Variants in DCHS1 observed in about 807,000 individuals in gnomAD.
DCHS1 encodes the protein dachsous cadherin-related 1.
Under a neutral mutation model 213.9 loss-of-function variants are expected in DCHS1, and 78 were observed. The observed-to-expected ratio is 0.36, with a 90% CI of 0.30 to 0.44. DCHS1 has a LOEUF of 0.44. Among genes scored for constraint, DCHS1 ranks in the 20% least tolerant of loss-of-function variants. DCHS1 has a pLI of 1.00. For synonymous variants in DCHS1, 1,828 were observed against 1,873.7 expected (o/e 0.98, Z 0.63); for missense variants, 3,946 against 4,395.9 (o/e 0.90, Z 2.89).
At position 6,621,821 on chromosome 11, in the gene DCHS1, C is replaced by T; in HGVS notation, c.9855G>A (p.Glu3285=). 1.2e-6 allele frequency: 2 copies of T among 1,606,778 alleles called. No homozygotes were observed. Among genetic ancestry groups the T allele is most frequent in the Non-Finnish European group, 1.7e-6 (2 of 1,177,038 alleles). The change falls in exon 21 of 21, where the codon GAG becomes GAA. Residue 3285 remains glutamate, a synonymous_variant. Transcript: ENST00000299441. The part of the protein sequence containing the change: ...QGPSASALSA[E]SGLEPPDDTE... Reference sequence around the variant, plus strand: ...TGTCATCAGGTGGCTCCAGGCCAGACTCTGCGCTGAGTGCTGAGGCTGAGG... The same window carrying T: ...TGTCATCAGGTGGCTCCAGGCCAGATTCTGCGCTGAGTGCTGAGGCTGAGG...
chr11:6,633,119 G>C, intron 5 of DCHS1, 63 bp from the exon 6 acceptor site: 2 of 1,534,128 alleles, frequency 1.3e-6, no homozygotes, highest in South Asian at 1.3e-5. Context: ...TCAGGACCCA[G>C]AGTCTGATCC....
intron 19 of DCHS1, 26 bp from the exon 20 acceptor site, chr11:6,624,894 T>C (rs1261130050): frequency 1.9e-6 from 3 of 1,612,500 alleles, no homozygotes; most frequent in Admixed American, 3.3e-5. Context: ...AAGTGCTTAT[T>C]GCCAGGCTTC....
In DCHS1 at chr11:6,626,410, C is replaced by T. The variant is rs752430387; in HGVS notation, c.6365-30G>A. 4 of 1,608,666 alleles carry T rather than the reference C, an allele frequency of 2.5e-6. No homozygotes were observed. Among genetic ancestry groups the T allele is most frequent in the East Asian group, 4.5e-5 (2 of 44,742 alleles). ...GCGAGATAGAATGCATCAGTGATAG[C>T]CCCCTTTGCTTGCCCTGGAGCCTCC... On this transcript the variant is annotated intron_variant, in intron 15 of 20. Coordinates refer to ENST00000299441, the MANE Select transcript of DCHS1 (RefSeq NM_003737.4). This position sits in a 1 kb window ranked among gnomAD's most constrained non-coding sequence, Gnocchi z 5.2.
Position 6,626,116 on chromosome 11 carries a change from A to T in DCHS1, c.6577-42T>A. The stretch of plus-strand genomic sequence containing the variant: ...GCTGCTGGGACTGGTCTGGCCACAG[A>T]CAAGTCTGACTAGCCCTGCTCCCCC... On this transcript the variant is annotated intron_variant, in intron 16 of 20. Transcript: ENST00000299441. The surrounding 1 kb of genome is among the most constrained non-coding windows in gnomAD (Gnocchi z 5.2). 2.5e-6 allele frequency: 4 copies of T among 1,597,866 alleles called. No individual in the cohort carries two copies. Among genetic ancestry groups the T allele is most frequent in the Non-Finnish European group, 3.4e-6 (4 of 1,172,116 alleles).
At chr11:6,653,209 T>G (rs1197283203) in intron 1 of DCHS1, among the ~76,000 whole-genome samples, 1 of 152,218 alleles carries the variant, frequency 6.6e-6, no homozygotes, top group African/African-American at 2.4e-5. Context: ...AACTGCTTTA[T>G]CCCTCACACA....
At position 6,624,313 on chromosome 11, in the gene DCHS1, G is replaced by A. The variant is rs1855757392; in HGVS notation, c.7363C>T (p.Arg2455Ter). 4.4e-6 allele frequency: 7 copies of A among 1,585,192 alleles called. No individual in the cohort carries two copies. Among genetic ancestry groups the A allele is most frequent in the South Asian group, 2.3e-5 (2 of 87,508 alleles). ...SGAVDVVLEARDHGAPGRAAR... is the reference protein window; with the variant it reads ...SGAVDVVLEA ...GCCCGGCCTGGAGCCCCGTGGTCTC[G>A]TGCTTCCAGCACCACATCCACTGCT... is the stretch of plus-strand genomic sequence containing the variant. The change falls in exon 21 of 21, where the codon CGA becomes TGA. Residue 2455 changes from arginine (R) to a stop codon, truncating the protein, a stop_gained. Transcript: ENST00000299441. LOFTEE classifies it high-confidence loss of function.
In DCHS1 at chr11:6,633,630, C is replaced by A; in HGVS notation, c.2237G>T (p.Trp746Leu). The A allele has an allele frequency of 6.2e-7, 1 of 1,600,946 alleles. No homozygotes were observed. The highest frequency in any genetic ancestry group is 8.5e-7 in the Non-Finnish European group (1 of 1,173,488). ...DEQSGLLTVA[W>L]PLARRANSVV... ...AGAATTGGCCCGTCTGGCCAAGGGC[C>A]AGGCTACTGTCAACAGCCCTGAGAG... Residue 746 changes from tryptophan (W) to leucine (L), a missense_variant, in exon 5 of 21, where the codon TGG becomes TTG. Physicochemically the swap from Trp to Leu is moderately conservative, Grantham distance 61 (BLOSUM62 -2). Transcript: ENST00000299441.
intron 1 of DCHS1, among the ~76,000 whole-genome samples, chr11:6,651,147 G>A (rs1856237000): frequency 6.6e-6 from 1 of 152,200 alleles, no homozygotes; most frequent in African/African-American, 2.4e-5. Context: ...CGCGGTTTGG[G>A]GAGATAAGAC....
In DCHS1 at chr11:6,622,313, C is replaced by A. The variant is rs1855708847; in HGVS notation, c.9363G>T (p.Gly3121=). ...GPPATATAFL[G]GCGLSPAPTG... is the part of the protein sequence containing the mutation. Reference sequence around the variant, plus strand: ...TGGGTGCAGGGCTCAGGCCACAGCCCCCCAGGAAGGCTGTGGCAGTGGCTG... The same window carrying A: ...TGGGTGCAGGGCTCAGGCCACAGCCACCCAGGAAGGCTGTGGCAGTGGCTG... Residue 3121 remains glycine, a synonymous_variant, in exon 21 of 21, where the codon GGG becomes GGT. Transcript: ENST00000299441. This position sits in a 1 kb window ranked among gnomAD's most constrained non-coding sequence, Gnocchi z 5.4. 1 of 1,606,168 alleles carries A rather than the reference C, an allele frequency of 6.2e-7. No homozygotes were observed. Among genetic ancestry groups the A allele is most frequent in the Non-Finnish European group, 8.5e-7 (1 of 1,176,584 alleles).
rs1479530003 is a variant in DCHS1 at position 6,630,849 on chromosome 11, A to T, written c.3945T>A (p.Ala1315=). 3.0e-5 allele frequency: 45 copies of T among 1,523,908 alleles called. No homozygotes were observed. Among genetic ancestry groups the T allele is most frequent in the Non-Finnish European group, 3.3e-5 (37 of 1,131,762 alleles). The allele number at this position is 1,523,908 out of a possible 1,614,324, so 94.4% of individuals were successfully genotyped here. A position where few individuals can be genotyped will look rare whatever the true frequency, so the allele number is the denominator to read the frequency against. ...GATCTGGGGGCGGCTCGGCCAAGCG[A>T]GCTGAGGGAAGCACCTGTTGTGGAC... The part of the protein sequence containing the change: ...LQLLVQVLPS[A]RLAEPPPDLA... Residue 1315 remains alanine (A), a synonymous_variant, in exon 10 of 21, where the codon GCT becomes GCA. Transcript: ENST00000299441.
In DCHS1 at chr11:6,641,765, C is replaced by G. The variant is rs140041438; in HGVS notation, c.-120-32G>C. ...GAAAACAGAAGGAAACGGGTCATGA[C>G]AGAGGAGGGATCAGCAGTCCAGATA... On this transcript the variant is annotated intron_variant, in intron 1 of 20. Coordinates refer to ENST00000299441, the MANE Select transcript of DCHS1 (RefSeq NM_003737.4). The surrounding 1 kb of genome is among the most constrained non-coding windows in gnomAD (Gnocchi z 7.1). 7,808 of 1,427,758 alleles carry G rather than the reference C, an allele frequency of 5.5e-3. 42 individuals are homozygous for G. The highest frequency in any genetic ancestry group is 5.1e-3 in the Non-Finnish European group (5,627 of 1,092,828). The allele number at this position is 1,427,758 out of a possible 1,614,324, so 88.4% of individuals were successfully genotyped here.
chr11:6,622,990 G>T lies in DCHS1; in HGVS notation c.8686C>A (p.Arg2896=). The change falls in exon 21 of 21, where the codon CGG becomes AGG. Residue 2896 remains arginine, a synonymous_variant. Transcript: ENST00000299441. The surrounding 1 kb of genome is among the most constrained non-coding windows in gnomAD (Gnocchi z 5.4). ...GCTATCACCTCCAGCCTCAGCTCCC[G>T]TGGTGCTTCCCGCCGGGTCCGGCCC... ...GGGRTRREAP[R]ELRLEVIARG... 1 of 1,571,312 alleles carries T rather than the reference G, an allele frequency of 6.4e-7. No individual in the cohort carries two copies. The highest frequency in any genetic ancestry group is 2.4e-5 in the East Asian group (1 of 42,120).
Position 6,634,025 on chromosome 11 carries a change from T to C in DCHS1, c.1987-5A>G, listed in dbSNP as rs1855952820. On this transcript the variant is annotated splice_polypyrimidine_tract_variant and splice_region_variant and intron_variant, in intron 3 of 20. Coordinates refer to ENST00000299441, the MANE Select transcript of DCHS1 (RefSeq NM_003737.4). ...TACCATGGACTTGAGGCCTCCCTGGTGGGACATGCAGCCATAGGTCAGGTG... is the reference window on the plus strand; with the variant it reads ...TACCATGGACTTGAGGCCTCCCTGGCGGGACATGCAGCCATAGGTCAGGTG... The C allele has an allele frequency of 3.1e-6, 5 of 1,613,228 alleles. No homozygotes were observed. Among genetic ancestry groups the C allele is most frequent in the Non-Finnish European group, 4.2e-6 (5 of 1,179,458 alleles).
In DCHS1 at chr11:6,629,998, C is replaced by A; in HGVS notation, c.4795+1G>T. On this transcript the variant is annotated splice_donor_variant, in intron 10 of 20. Transcript: ENST00000299441. LOFTEE classifies it high-confidence loss of function. ...CCCTCACTCCCAGACCTAACTCTCA[C>A]CAGTGCTTGAGTGCAGCCGGAAGTG... 1.3e-6 allele frequency: 2 copies of A among 1,573,508 alleles called. No individual in the cohort carries two copies. The highest frequency in any genetic ancestry group is 2.7e-5 in the African/African-American group (2 of 74,376).
At chr11:6,633,190 G>T in intron 5 of DCHS1, 134 bp from the exon 6 acceptor site, 1 of 1,213,466 alleles carries the variant, frequency 8.2e-7, no homozygotes, top group Non-Finnish European at 1.1e-6. Context: ...GAGGGGCAGG[G>T]GTTGGCAAAG....
chr11:6,649,506 A>G (rs963045434), intron 1 of DCHS1, among the ~76,000 whole-genome samples: 2 of 151,916 alleles, frequency 1.3e-5, no homozygotes, highest in African/African-American at 2.4e-5. Context: ...AGACAAAGAA[A>G]AAATGGAGAG....
In DCHS1 at chr11:6,626,264, G is replaced by A; in HGVS notation, c.6481C>T (p.Leu2161=). ...GGAGCATTGTCGTTGGCATCTTGCAGGGTCAGGGTCAGCACAGTGAAGGCA... is the reference window on the plus strand; with the variant it reads ...GGAGCATTGTCGTTGGCATCTTGCAAGGTCAGGGTCAGCACAGTGAAGGCA... ...AFAFTVLTLT[L]QDANDNAPRF... The change falls in exon 16 of 21, where the codon CTG becomes TTG. Residue 2161 remains leucine (L), a synonymous_variant. Transcript: ENST00000299441. This position sits in a 1 kb window ranked among gnomAD's most constrained non-coding sequence, Gnocchi z 5.2. 1 of 1,613,060 alleles carries A rather than the reference G, an allele frequency of 6.2e-7. No individual in the cohort carries two copies. The highest frequency in any genetic ancestry group is 8.5e-7 in the Non-Finnish European group (1 of 1,179,486).
chr11:6,630,362 G>T lies in DCHS1; in HGVS notation c.4432C>A (p.Arg1478Ser), dbSNP rs1445611074. Reference sequence around the variant, plus strand: ...AGCGCCGGCACGGGCGGCTCCTGGCGCAGCAGGCGGTAGCGCACGTCGCTA... The same window carrying T: ...AGCGCCGGCACGGGCGGCTCCTGGCTCAGCAGGCGGTAGCGCACGTCGCTA... ...PNSDVRYRLLRQEPPVPALRL... is the reference protein window; with the variant it reads ...PNSDVRYRLLSQEPPVPALRL... The change falls in exon 10 of 21, where the codon CGC becomes AGC. Residue 1478 changes from arginine (R) to serine (S), a missense_variant. Physicochemically the swap from Arg to Ser is moderately radical, Grantham distance 110. This residue lies in a region of DCHS1 where 3,384 missense variants were observed against 3,780.1 expected (regional missense o/e 0.90). Transcript: ENST00000299441. The T allele has an allele frequency of 6.1e-6, 8 of 1,320,614 alleles. No homozygotes were observed. The East Asian group carries it at 1.4e-4, about 23-fold the overall frequency. The allele number at this position is 1,320,614 out of a possible 1,614,324, so 81.8% of individuals were successfully genotyped here.
intron 1 of DCHS1, among the ~76,000 whole-genome samples, chr11:6,654,398 A>G (rs1856286015): frequency 6.6e-6 from 1 of 152,190 alleles, no homozygotes; most frequent in Non-Finnish European, 1.5e-5. Flanking sequence ...TTGCAGTGAC[A>G]ATGTCTCCTG....
Sources: allele counts gnomAD v4.1 joint callset (sites outside exome capture counted in the v4.1 genomes callset), GRCh38; gene constraint gnomAD v4.1.1; regional missense constraint gnomAD v4.1.1; non-coding constraint Gnocchi (gnomAD v3.1); transcripts MANE v1.5; gene names NCBI Gene and HGNC (gene_info 2026-07-23, HGNC 2026-07-21).